The following TTLL9 variants were observed in gnomAD, a reference collection of about 807,000 sequenced individuals.
TTLL9 encodes probable tubulin polyglutamylase TTLL9.
Under a neutral mutation model 65.6 loss-of-function variants are expected in TTLL9, and 47 were observed. The ratio of observed to expected loss-of-function variants is 0.72; its 90% CI spans 0.57 to 0.91. The LOEUF is 0.91. Among genes scored for constraint, TTLL9 ranks in the 40% least tolerant of loss-of-function variants. The pLI is 0.00. For synonymous variants in TTLL9, 179 were observed against 204.8 expected, an observed-to-expected ratio of 0.87 and a Z score of 1.07; for missense variants, 537 against 568.8, an observed-to-expected ratio of 0.94 and a Z score of 0.57.
chr20:31,944,162 C>T lies in TTLL9; in HGVS notation c.*1141C>T. The T allele has an allele frequency of 4.4e-6, 1 of 228,976 alleles. No homozygotes were observed. Among genetic ancestry groups the T allele is most frequent in the Non-Finnish European group, 9.1e-6 (1 of 110,406 alleles). 14.2% of individuals were successfully genotyped at this position (228,976 alleles called of 1,614,324 possible). Reference sequence around the variant, plus strand: ...GAGCATGAGGACTTCTCCCACTCATCCCTGTACCTGAGGCACACCAACCCA... The same window carrying T: ...GAGCATGAGGACTTCTCCCACTCATTCCTGTACCTGAGGCACACCAACCCA... On this transcript the variant is annotated 3_prime_UTR_variant, in exon 15 of 15. Coordinates refer to ENST00000535842, the MANE Select transcript of TTLL9 (RefSeq NM_001008409.5).
At chr20:31,899,373 T>G (rs935935642) in intron 4 of TTLL9, among the ~76,000 whole-genome samples, 1 of 152,206 alleles carries the variant, frequency 6.6e-6, no homozygotes, top group Non-Finnish European at 1.5e-5. Flanking sequence ...CTCACACCTA[T>G]AATTCCAGCA....
At chr20:31,919,654 C>T (rs2063785840) in intron 6 of TTLL9, among the ~76,000 whole-genome samples, 1 of 152,172 alleles carries the variant, frequency 6.6e-6, no homozygotes. Flanking sequence ...TGAGCTAAGT[C>T]AGTCTCCCCC....
At chr20:31,933,715 A>G in intron 10 of TTLL9, 85 bp from the exon 11 acceptor site, 1 of 1,290,718 alleles carries the variant, frequency 7.7e-7, no homozygotes, top group Non-Finnish European at 1.1e-6. Flanking sequence ...CTTCCCCATC[A>G]ATTCTCAGTT....
intron 14 of TTLL9, chr20:31,939,736 A>T (rs993292468): frequency 6.5e-6 from 1 of 152,776 alleles, no homozygotes; most frequent in Non-Finnish European, 1.5e-5. Flanking sequence ...TTTTACATAC[A>T]TTATCTCATT....
intron 3 of TTLL9, among the ~76,000 whole-genome samples, chr20:31,890,144 TC>T (rs1174935079): frequency 1.8e-4 from 21 of 115,706 alleles, no homozygotes; most frequent in Middle Eastern, 7.5e-3. Flanking sequence ...CTTCCTTCCT[TC>T]CTTCCTTCCT....
chr20:31,926,440 G>A (rs893409784), intron 10 of TTLL9, among the ~76,000 whole-genome samples: 1 of 152,130 alleles, frequency 6.6e-6, no homozygotes, highest in Non-Finnish European at 1.5e-5. Context: ...CGTTGCTGGC[G>A]GGATTGTAAA....
At chr20:31,893,626 C>T (rs2063340225) in intron 3 of TTLL9, among the ~76,000 whole-genome samples, 1 of 151,784 alleles carries the variant, frequency 6.6e-6, no homozygotes. Context: ...TCCCACTCTC[C>T]ACCACCCTCA....
At chr20:31,887,165 C>T in intron 2 of TTLL9, 31 bp from the exon 3 acceptor site, 1 of 1,612,970 alleles carries the variant, frequency 6.2e-7, no homozygotes, top group Non-Finnish European at 8.5e-7. Flanking sequence ...TATACAAAAC[C>T]AGTTACATCC....
chr20:31,922,597 T>G (rs1261233164), intron 7 of TTLL9, among the ~76,000 whole-genome samples: 2 of 152,248 alleles, frequency 1.3e-5, no homozygotes, highest in Non-Finnish European at 2.9e-5. Context: ...GTCTTCGAAT[T>G]TCATCCATGT....
At chr20:31,873,837 A>G (rs200190215) in intron 2 of TTLL9, among the ~76,000 whole-genome samples, 301 of 110,700 alleles carry the variant, frequency 2.7e-3, no homozygotes, top group Middle Eastern at 8.7e-3. Context: ...AGAAAGAAAG[A>G]AAGAAAGAAA....
At chr20:31,903,189 C>A (rs1486007896) in intron 4 of TTLL9, among the ~76,000 whole-genome samples, 2 of 152,018 alleles carry the variant, frequency 1.3e-5, no homozygotes, top group Non-Finnish European at 2.9e-5. Flanking sequence ...TTATGGCCAT[C>A]CTAGTGGGTA....
chr20:31,878,158 G>A (rs993455253), intron 2 of TTLL9, among the ~76,000 whole-genome samples: 1 of 151,848 alleles, frequency 6.6e-6, no homozygotes, highest in Non-Finnish European at 1.5e-5. Context: ...AGCTATGGTT[G>A]GTATATAGAA....
intron 2 of TTLL9, chr20:31,879,902 G>T: frequency 1.3e-6 from 2 of 1,550,062 alleles, no homozygotes; most frequent in Non-Finnish European, 1.7e-6. Context: ...CCGAAGGTAG[G>T]AGTCGACCTG....
intron 4 of TTLL9, among the ~76,000 whole-genome samples, chr20:31,906,469 C>T (rs577919099): frequency 2.0e-5 from 3 of 152,282 alleles, no homozygotes; most frequent in Non-Finnish European, 4.4e-5. Context: ...TACAGTCTGC[C>T]CCTGCATCCT....
In TTLL9 at chr20:31,923,053, G is replaced by A; in HGVS notation, c.664G>A (p.Gly222Ser). 1 of 1,610,372 alleles carries A rather than the reference G, an allele frequency of 6.2e-7. No homozygotes were observed. Among genetic ancestry groups the A allele is most frequent in the Non-Finnish European group, 8.5e-7 (1 of 1,176,626 alleles). ...CATTGAAAATCCTTACCTGATAGGAGGTGAGATGGCTGTGTCTGCTCCTGC... is the reference window on the plus strand; with the variant it reads ...CATTGAAAATCCTTACCTGATAGGAAGTGAGATGGCTGTGTCTGCTCCTGC... ...RYIENPYLIG[G>S]RKFDLRVYVL... Residue 222 changes from glycine (G) to serine (S), a missense_variant and splice_region_variant, in exon 8 of 15, where the codon GGC becomes AGC. Transcript: ENST00000535842.
At chr20:31,938,162 T>C (rs1198954400) in intron 13 of TTLL9, 1 of 451,486 alleles carries the variant, frequency 2.2e-6, no homozygotes, top group African/African-American at 2.1e-5. Flanking sequence ...GTATTAGCTT[T>C]TCCCCGATTA....
At position 31,926,067 on chromosome 20, in the gene TTLL9, C is replaced by A. The variant is rs754952211; in HGVS notation, c.724C>A (p.Leu242Met). ...CCCACAGGTGTTTGCTGAATGCCTG[C>A]TGTGGTCTGGGCACAGGAGACAGGG... Reference protein sequence around the residue: ...LVMSVFAECLLWSGHRRQDVH... With the variant: ...LVMSVFAECLMWSGHRRQDVH... Residue 242 changes from leucine to methionine, a missense_variant, in exon 10 of 15, where the codon CTG becomes ATG. Physicochemically the swap from Leu to Met is conservative, Grantham distance 15. This residue lies in a region of TTLL9 where 12 missense variants were observed against 32.0 expected (regional missense o/e 0.37). Coordinates refer to ENST00000535842, the MANE Select transcript of TTLL9 (RefSeq NM_001008409.5). 2 of 1,612,690 alleles carry A rather than the reference C, an allele frequency of 1.2e-6. No homozygotes were observed. Among genetic ancestry groups the A allele is most frequent in the East Asian group, 4.5e-5 (2 of 44,860 alleles).
At chr20:31,889,375 C>T (rs968863167) in intron 3 of TTLL9, among the ~76,000 whole-genome samples, 1 of 151,966 alleles carries the variant, frequency 6.6e-6, no homozygotes, top group Non-Finnish European at 1.5e-5. Flanking sequence ...ATCCTCCCAT[C>T]TCAGCCTTCT....
rs755298072 is a variant in TTLL9, at chr20:31,942,965, A to G, written c.1264A>G (p.Lys422Glu). 19 of 1,614,170 alleles carry G rather than the reference A, an allele frequency of 1.2e-5. 1 individual carries two copies. In the East Asian group the frequency reaches 4.0e-4, roughly 34 times the overall value. Residue 422 changes from lysine to glutamate, a missense_variant, in exon 15 of 15, where the codon AAA becomes GAA. Physicochemically the swap from Lys to Glu is moderately conservative, Grantham distance 56. This residue lies in a region of TTLL9 where 205 missense variants were observed against 225.9 expected (regional missense o/e 0.91). Transcript: ENST00000535842. ...THLGCVNDRKKQLRQLFCSLQ... is the reference protein window; with the variant it reads ...THLGCVNDRKEQLRQLFCSLQ... ...TCCAGGCTGCGTCAACGATCGGAAGAAACAACTGAGGCAGCTCTTCTGCTC... is the reference window on the plus strand; with the variant it reads ...TCCAGGCTGCGTCAACGATCGGAAGGAACAACTGAGGCAGCTCTTCTGCTC...
Sources: allele counts gnomAD v4.1 joint callset (sites outside exome capture counted in the v4.1 genomes callset), GRCh38; gene constraint gnomAD v4.1.1; regional missense constraint gnomAD v4.1.1; transcripts MANE v1.5; gene names NCBI Gene and HGNC (gene_info 2026-07-23, HGNC 2026-07-21).